The following CTNNA2 variants were observed in gnomAD, a reference collection of about 807,000 sequenced individuals.
CTNNA2 encodes the protein catenin alpha-2.
In CTNNA2, 42 loss-of-function variants were observed where a neutral mutation model predicts 101.0. The ratio of observed to expected loss-of-function variants is 0.42; its 90% CI spans 0.32 to 0.54. The LOEUF (loss-of-function observed/expected upper bound fraction) is 0.54. Ranked by LOEUF, CTNNA2 falls within the 20% of genes least tolerant of loss-of-function variation. The pLI is 0.14. For missense variants in CTNNA2, 871 were observed against 1,223.1 expected (o/e 0.71, Z 4.29); for synonymous variants, 450 against 456.4 (o/e 0.99, Z 0.18).
chr2:79,883,314 C>A (rs1683590975), intron 6 of CTNNA2, among the ~76,000 whole-genome samples: 1 of 152,176 alleles, frequency 6.6e-6, no homozygotes, highest in African/African-American at 2.4e-5. Context: ...TGATTTCTAT[C>A]TGAGTAGTTA....
intron 9 of CTNNA2, among the ~76,000 whole-genome samples, chr2:80,515,152 T>C (rs1689012487): frequency 6.9e-6 from 1 of 144,484 alleles, no homozygotes; most frequent in Non-Finnish European, 1.5e-5. Context: ...ATTGCCCATC[T>C]TTTTTTTTTT....
intron 7 of CTNNA2, among the ~76,000 whole-genome samples, chr2:80,009,321 T>C (rs879887879): frequency 1.3e-5 from 2 of 152,172 alleles, no homozygotes; most frequent in Non-Finnish European, 2.9e-5. Context: ...TCCCCCAACA[T>C]CATTTTAAAG....
chr2:79,671,664 G>A (rs1402355576), intron 2 of CTNNA2, among the ~76,000 whole-genome samples: 1 of 152,154 alleles, frequency 6.6e-6, no homozygotes, highest in African/African-American at 2.4e-5. Context: ...CTTACTGCTC[G>A]GCAAATAGTA....
intron 7 of CTNNA2, among the ~76,000 whole-genome samples, chr2:80,375,980 G>A (rs561139488): frequency 1.2e-3 from 177 of 152,152 alleles, no homozygotes; most frequent in Middle Eastern, 6.8e-3. Flanking sequence ...GTAGAAATGG[G>A]ATCTCTGGCC....
At chr2:79,246,140 G>C (rs898350953) in intron 2 of CTNNA2, among the ~76,000 whole-genome samples, 4 of 152,188 alleles carry the variant, frequency 2.6e-5, no homozygotes, top group Non-Finnish European at 5.9e-5. Context: ...TGAATCTAGG[G>C]TCCTAATCCC....
intron 2 of CTNNA2, among the ~76,000 whole-genome samples, chr2:79,282,545 A>G (rs1179253271): frequency 2.0e-5 from 3 of 150,774 alleles, no homozygotes; most frequent in Non-Finnish European, 4.4e-5. Context: ...ACTGAGAATG[A>G]TGATTTCCAA....
chr2:80,180,014 G>A (rs1705670638), intron 7 of CTNNA2, among the ~76,000 whole-genome samples: 1 of 152,092 alleles, frequency 6.6e-6, no homozygotes, highest in South Asian at 2.1e-4. Flanking sequence ...ACTTTAATTG[G>A]AGAACTATAA....
chr2:79,957,955 A>C lies in CTNNA2; in HGVS notation c.1056+48158A>C, dbSNP rs544428288. Among the ~76,000 whole-genome samples, 12 of 152,292 alleles carry C rather than the reference A, an allele frequency of 7.9e-5. No homozygotes were observed. In the South Asian group the frequency reaches 1.5e-3, roughly 18 times the overall value. The stretch of plus-strand genomic sequence containing the variant: ...TCATTGACAGCTCTTCAGATTCTTA[A>C]AGACAGTGGCATTTGCACCCAGGCC... On this transcript the variant is annotated intron_variant, in intron 7 of 18. Coordinates refer to ENST00000402739, the MANE Select transcript of CTNNA2 (RefSeq NM_001282597.3).
intron 9 of CTNNA2, among the ~76,000 whole-genome samples, chr2:80,515,151 C>T (rs1005644250): frequency 2.1e-5 from 3 of 143,848 alleles, no homozygotes; most frequent in Non-Finnish European, 4.6e-5. Context: ...AATTGCCCAT[C>T]TTTTTTTTTT....
At chr2:79,820,926 G>T (rs575930506) in intron 3 of CTNNA2, among the ~76,000 whole-genome samples, 2 of 152,058 alleles carry the variant, frequency 1.3e-5, no homozygotes, top group Admixed American at 1.3e-4. Flanking sequence ...ATTTTTAATG[G>T]TTGTTGTCTT....
intron 6 of CTNNA2, among the ~76,000 whole-genome samples, chr2:79,896,683 G>A (rs1684736043): frequency 4.6e-5 from 7 of 152,192 alleles, no homozygotes; most frequent in Admixed American, 4.6e-4. Context: ...ACTGCTGCCA[G>A]TGCATGGTAA....
At chr2:79,369,321 C>T (rs1397437912) in intron 3 of CTNNA2, among the ~76,000 whole-genome samples, 1 of 152,128 alleles carries the variant, frequency 6.6e-6, no homozygotes, top group Non-Finnish European at 1.5e-5. Flanking sequence ...CTTTATGTTC[C>T]TCAAGAACAT....
chr2:79,828,939 C>T (rs1678655770), intron 3 of CTNNA2, among the ~76,000 whole-genome samples: 1 of 152,118 alleles, frequency 6.6e-6, no homozygotes, highest in African/African-American at 2.4e-5. Context: ...AAACTGCCCA[C>T]ATTGATTAGA....
At chr2:80,392,616 A>G (rs1187629119) in intron 7 of CTNNA2, among the ~76,000 whole-genome samples, 2 of 152,114 alleles carry the variant, frequency 1.3e-5, no homozygotes, top group East Asian at 3.9e-4. Context: ...TCATAAGGGA[A>G]ATTTTCCTCA....
chr2:80,108,005 G>A (rs1391424477), intron 7 of CTNNA2, among the ~76,000 whole-genome samples: 9 of 152,112 alleles, frequency 5.9e-5, no homozygotes, highest in Admixed American at 5.2e-4. Flanking sequence ...TCACCTAGCG[G>A]GCCCAGTGCC....
intron 4 of CTNNA2, among the ~76,000 whole-genome samples, chr2:79,473,006 T>G (rs1671015598): frequency 6.6e-6 from 1 of 152,198 alleles, no homozygotes. Context: ...TTGCCTTTCC[T>G]CTAGCTTCCA....
At chr2:79,671,680 T>C (rs1156894777) in intron 2 of CTNNA2, among the ~76,000 whole-genome samples, 1 of 152,240 alleles carries the variant, frequency 6.6e-6, no homozygotes, top group Non-Finnish European at 1.5e-5. Flanking sequence ...TAGTAAATGC[T>C]TAATGCATTT....
chr2:80,279,357 G>A (rs185596864), intron 7 of CTNNA2, among the ~76,000 whole-genome samples: 7 of 152,170 alleles, frequency 4.6e-5, no homozygotes, highest in South Asian at 2.1e-4. Flanking sequence ...GCAAAGACAC[G>A]TTGAGTGTCT....
chr2:79,367,648 G>T (rs1573127188), intron 3 of CTNNA2, among the ~76,000 whole-genome samples: 3 of 152,234 alleles, frequency 2.0e-5, no homozygotes, highest in Admixed American at 2.0e-4. Context: ...GGGGAGAAAA[G>T]GGCACATCAA....
Sources: gnomAD v4.1 joint callset for allele counts (sites outside exome capture counted in the v4.1 genomes callset) on GRCh38, gnomAD v4.1.1 for gene constraint, MANE v1.5 for transcripts, NCBI Gene and HGNC (gene_info 2026-07-23, HGNC 2026-07-21) for gene names.